The following AKT2 variants were observed in gnomAD, a reference collection of about 807,000 sequenced individuals.
The protein encoded by AKT2 is RAC-beta serine/threonine-protein kinase.
In AKT2, 16 loss-of-function variants were observed where a neutral mutation model predicts 58.6. The observed-to-expected ratio is 0.27, with a 90% CI of 0.18 to 0.41. The LOEUF (loss-of-function observed/expected upper bound fraction) is 0.41. AKT2 is among the 10% of genes least tolerant of loss of function. AKT2 has a pLI of 1.00. For synonymous variants in AKT2, 253 were observed against 254.0 expected, an observed-to-expected ratio of 1.00 and a Z score of 0.04; for missense variants, 438 against 661.0, an observed-to-expected ratio of 0.66 and a Z score of 3.70.
In AKT2 at chr19:40,234,336, G is replaced by A. The variant is rs1599946391; in HGVS notation, c.1367-385C>T. On this transcript the variant is annotated intron_variant, in intron 13 of 13. Transcript: ENST00000392038. This position sits in a 1 kb window ranked among gnomAD's most constrained non-coding sequence, Gnocchi z 4.7. ...CTTTCTAAAGGCCTGCTTTAACCCT[G>A]TCCCTCTCTGTATGAAACCCTTCCA... 8 of 272,598 alleles carry A rather than the reference G, an allele frequency of 2.9e-5. No homozygotes were observed. The East Asian group carries it at 5.5e-4, about 19-fold the overall frequency. The allele number at this position is 272,598 out of a possible 1,614,324, so 16.9% of individuals were successfully genotyped here.
chr19:40,238,196 T>C lies in AKT2; in HGVS notation c.709-105A>G, dbSNP rs909488054. 8 of 1,439,446 alleles carry C rather than the reference T, an allele frequency of 5.6e-6. No homozygotes were observed. Among genetic ancestry groups the C allele is most frequent in the Non-Finnish European group, 7.6e-6 (8 of 1,058,822 alleles). 89.2% of individuals were successfully genotyped at this position (1,439,446 alleles called of 1,614,324 possible). On this transcript the variant is annotated intron_variant, in intron 8 of 13. Coordinates refer to ENST00000392038, the MANE Select transcript of AKT2 (RefSeq NM_001626.6). The surrounding 1 kb of genome is among the most constrained non-coding windows in gnomAD (Gnocchi z 5.1). ...GCGCAGTGATGTGGTGACACCTGTA[T>C]CATGAACCAGCAAGTGACAGCTAGA...
intron 1 of AKT2, chr19:40,275,048 G>A (rs1024471409): frequency 6.6e-6 from 3 of 456,660 alleles, no homozygotes; most frequent in Middle Eastern, 6.5e-4. Context: ...AGAACCATGA[G>A]GACCTGCATG....
rs1974111451 is a variant in AKT2, at chr19:40,237,621, T to TA, written c.831+347dup. The TA allele has an allele frequency of 3.4e-6, 1 of 297,004 alleles. No individual in the cohort carries two copies. The highest frequency in any genetic ancestry group is 6.6e-6 in the Non-Finnish European group (1 of 150,728). The allele number at this position is 297,004 out of a possible 1,614,324, so 18.4% of individuals were successfully genotyped here. A position where few individuals can be genotyped will look rare whatever the true frequency, so the allele number is the denominator to read the frequency against. On this transcript the variant is annotated intron_variant, in intron 9 of 13. Coordinates refer to ENST00000392038, the MANE Select transcript of AKT2 (RefSeq NM_001626.6). This position sits in a 1 kb window ranked among gnomAD's most constrained non-coding sequence, Gnocchi z 4.5. ...GATCACACCACTGCACTCAACAGAG[T>TA]AAGACTCCTCAAAAATAAATAAATA...
At chr19:40,269,429 T>A (rs896247456) in intron 1 of AKT2, 2 of 152,332 alleles carry the variant, frequency 1.3e-5, no homozygotes, top group South Asian at 4.2e-4. Flanking sequence ...CTACCTGGGA[T>A]GGCTCGAATT....
intron 7 of AKT2, 69 bp from the exon 8 acceptor site, chr19:40,239,042 G>A: frequency 6.7e-7 from 1 of 1,500,150 alleles, no homozygotes; most frequent in Non-Finnish European, 9.2e-7. Context: ...GCCAGGGCAG[G>A]GCCCTGGCCC....
chr19:40,263,275 T>G (rs772766722), intron 2 of AKT2, among the ~76,000 whole-genome samples: 3 of 152,206 alleles, frequency 2.0e-5, no homozygotes, highest in Non-Finnish European at 4.4e-5. Context: ...CCCATGACCC[T>G]GTGTTCCCCA....
intron 1 of AKT2, among the ~76,000 whole-genome samples, chr19:40,268,099 G>A (rs551760213): frequency 1.9e-4 from 29 of 152,200 alleles, no homozygotes; most frequent in Admixed American, 1.2e-3. Context: ...AGAGAAGCCC[G>A]TCCCCTACAC....
rs1973856354 is a variant in AKT2 at position 40,233,989 on chromosome 19, G to A, written c.1367-38C>T. 3 of 1,598,998 alleles carry A rather than the reference G, an allele frequency of 1.9e-6. No individual in the cohort carries two copies. The highest frequency in any genetic ancestry group is 2.6e-6 in the Non-Finnish European group (3 of 1,175,354). ...GAGGTGGATGGGGAGGACCAGTCAG[G>A]AGAGGGCCTGGGACACCTGCCCAGA... On this transcript the variant is annotated intron_variant, in intron 13 of 13. Transcript: ENST00000392038. The surrounding 1 kb of genome is among the most constrained non-coding windows in gnomAD (Gnocchi z 4.3).
At chr19:40,254,061 G>C (rs1435436868) in intron 4 of AKT2, among the ~76,000 whole-genome samples, 1 of 151,874 alleles carries the variant, frequency 6.6e-6, no homozygotes, top group Non-Finnish European at 1.5e-5. Context: ...GTGATTAACT[G>C]GGGGGCAGGG....
chr19:40,252,544 T>C (rs1472217659), intron 4 of AKT2, among the ~76,000 whole-genome samples: 4 of 152,184 alleles, frequency 2.6e-5, no homozygotes, highest in Admixed American at 2.6e-4. Context: ...CCCTGCATCG[T>C]GTAACTACCC....
chr19:40,266,774 G>A (rs924807080), intron 1 of AKT2, among the ~76,000 whole-genome samples: 2 of 152,172 alleles, frequency 1.3e-5, no homozygotes, highest in African/African-American at 4.8e-5. Context: ...GTGAGAACTT[G>A]TCTCACGACC....
At chr19:40,258,822 A>G (rs61024325) in intron 2 of AKT2, among the ~76,000 whole-genome samples, 44 of 152,338 alleles carry the variant, frequency 2.9e-4, no homozygotes, top group African/African-American at 1.1e-3. Context: ...TAAGATGGCA[A>G]TACTACCCAA....
intron 1 of AKT2, chr19:40,274,766 T>G (rs2077279360): frequency 1.3e-5 from 4 of 318,898 alleles, no homozygotes; most frequent in Non-Finnish European, 2.5e-5. Context: ...CAGGAGTGGG[T>G]GAAGGGGAGG....
chr19:40,255,337 C>A (rs1975462329), intron 3 of AKT2, 68 bp from the exon 4 acceptor site: 2 of 1,298,148 alleles, frequency 1.5e-6, no homozygotes, highest in Non-Finnish European at 2.2e-6. Context: ...GCCCAAAGTG[C>A]CCGAGCCACC....
At chr19:40,247,246 C>A (rs1027409010) in intron 4 of AKT2, among the ~76,000 whole-genome samples, 4 of 152,244 alleles carry the variant, frequency 2.6e-5, no homozygotes, top group African/African-American at 9.6e-5. Flanking sequence ...CCTCAAGTAT[C>A]TTCTAGCCCC....
At chr19:40,263,612 G>A (rs1976123853) in intron 2 of AKT2, among the ~76,000 whole-genome samples, 1 of 152,156 alleles carries the variant, frequency 6.6e-6, no homozygotes, top group East Asian at 1.9e-4. Context: ...GGGGGACTGG[G>A]CCAAGGGACC....
At position 40,242,252 on chromosome 19, in the gene AKT2, G is replaced by T; in HGVS notation, c.442-183C>A. 1 of 952,528 alleles carries T rather than the reference G, an allele frequency of 1.0e-6. No individual in the cohort carries two copies. The highest frequency in any genetic ancestry group is 1.6e-6 in the Non-Finnish European group (1 of 625,484). 59.0% of individuals were successfully genotyped at this position (952,528 alleles called of 1,614,324 possible). ...AGCGGCCTTCAGACCAGGCTCTGCA[G>T]GCACAGGGCCTTGGGAGGGCTGGGC... On this transcript the variant is annotated intron_variant, in intron 5 of 13. Transcript: ENST00000392038. This position sits in a 1 kb window ranked among gnomAD's most constrained non-coding sequence, Gnocchi z 4.3.
Position 40,234,088 on chromosome 19 carries a change from T to C in AKT2, c.1367-137A>G, listed in dbSNP as rs929467293. The stretch of plus-strand genomic sequence containing the variant: ...ACAGGAAAGGCCCATCCCTCCGCAA[T>C]GGAGGCCCTCAGCCACGGACCCACT... On this transcript the variant is annotated intron_variant, in intron 13 of 13. Coordinates refer to ENST00000392038, the MANE Select transcript of AKT2 (RefSeq NM_001626.6). This position sits in a 1 kb window ranked among gnomAD's most constrained non-coding sequence, Gnocchi z 4.7. 9.3e-6 allele frequency: 8 copies of C among 864,750 alleles called. No individual in the cohort carries two copies. The East Asian group carries it at 2.2e-4, about 23-fold the overall frequency. 53.6% of individuals were successfully genotyped at this position (864,750 alleles called of 1,614,324 possible). A position where few individuals can be genotyped will look rare whatever the true frequency, so the allele number is the denominator to read the frequency against.
chr19:40,250,356 AGCTAGGCATGGTG>A (rs1975067150), intron 4 of AKT2, among the ~76,000 whole-genome samples: 1 of 151,920 alleles, frequency 6.6e-6, no homozygotes, highest in African/African-American at 2.4e-5. Context: ...ATACAAAATG[AGCTAGGCATGGTG>A]GCGCGTGCCT....
Sources: allele counts gnomAD v4.1 joint callset (sites outside exome capture counted in the v4.1 genomes callset), GRCh38; gene constraint gnomAD v4.1.1; non-coding constraint Gnocchi (gnomAD v3.1); transcripts MANE v1.5; gene names NCBI Gene and HGNC (gene_info 2026-07-23, HGNC 2026-07-21).